CBR4: variants seen among roughly 807,000 people sequenced by gnomAD.
CBR4 encodes the protein carbonyl reductase 4, also known as 3-oxoacyl-[acyl-carrier-protein] reductase.
In CBR4, 22 loss-of-function variants were observed where a neutral mutation model predicts 21.0. The ratio of observed to expected loss-of-function variants is 1.05; its 90% confidence interval spans 0.75 to 1.50. The LOEUF (loss-of-function observed/expected upper bound fraction) is 1.50, where lower values mean the gene tolerates loss of function less well. Ranked by LOEUF, CBR4 falls within the 40% of genes most tolerant of loss-of-function variation. The pLI, the probability that CBR4 is intolerant of heterozygous loss-of-function variation, is 0.00. For synonymous variants in CBR4, 100 were observed against 104.4 expected (o/e 0.96, Z 0.26); for missense variants, 302 against 286.3 (o/e 1.05, Z -0.40).
At chr4:168,957,278 G>A (rs11930622) in intron 2 of CBR4, among the ~76,000 whole-genome samples, 8,545 of 151,946 alleles carry the variant, frequency 0.056, 760 homozygotes, top group African/African-American at 0.19. Flanking sequence ...TCTTGAAGAG[G>A]CTTCTAATTA....
At chr4:168,906,467 G>A (rs6819031) in intron 2 of CBR4, among the ~76,000 whole-genome samples, 25,208 of 152,030 alleles carry the variant, frequency 0.17, 2,621 homozygotes, top group African/African-American at 0.29. Context: ...GTAGTCTCCA[G>A]TCATTTAAAC....
At chr4:168,998,178 T>C (rs1012914577) in intron 4 of CBR4, among the ~76,000 whole-genome samples, 1 of 152,218 alleles carries the variant, frequency 6.6e-6, no homozygotes, top group African/African-American at 2.4e-5. Context: ...TAATACTATT[T>C]GTCAAAATTA....
At chr4:168,904,200 C>A in intron 2 of CBR4, 1 of 354,674 alleles carries the variant, frequency 2.8e-6, no homozygotes, top group Non-Finnish European at 5.3e-6. Flanking sequence ...GGACAAAGTC[C>A]TATGGTAAAA....
intron 2 of CBR4, among the ~76,000 whole-genome samples, chr4:168,907,983 C>G (rs1295577475): frequency 6.6e-6 from 1 of 152,144 alleles, no homozygotes; most frequent in Non-Finnish European, 1.5e-5. Context: ...TCTTCTTTAC[C>G]TAAATAACCC....
At chr4:168,931,643 G>A (rs907623059) in intron 2 of CBR4, among the ~76,000 whole-genome samples, 3 of 150,840 alleles carry the variant, frequency 2.0e-5, no homozygotes, top group East Asian at 2.0e-4. Context: ...GAGCATGCCT[G>A]TACCCAGGGC....
chr4:168,992,408 C>T (rs1295993071), intron 4 of CBR4, among the ~76,000 whole-genome samples: 2 of 152,248 alleles, frequency 1.3e-5, no homozygotes, highest in East Asian at 3.9e-4. Context: ...GGGTGTTATT[C>T]AGGTGACAGA....
At position 168,915,989 on chromosome 4, in the gene CBR4, A is replaced by T. The variant is rs1171944020; in HGVS notation, n.170-21224T>A. 3 of 1,613,966 alleles carry T rather than the reference A, an allele frequency of 1.9e-6. No homozygotes were observed. Among genetic ancestry groups the T allele is most frequent in the Middle Eastern group, 1.6e-4 (1 of 6,062 alleles). On this transcript the variant is annotated intron_variant and non_coding_transcript_variant, in intron 2 of 3. Transcript: ENST00000509108. ...CTTCTTGCAGGCTCCTGGAGATCTG[A>T]CTGTTCAAGAAGGAAAACTCTGCAG...
intron 2 of CBR4, among the ~76,000 whole-genome samples, chr4:168,963,825 G>T (rs1167833930): frequency 6.6e-6 from 1 of 152,128 alleles, no homozygotes. Context: ...GCTGAGGGAT[G>T]CTCCAAGACC....
At chr4:168,984,813 A>G (rs1384249597), downstream of CBR4, among the ~76,000 whole-genome samples, 3 of 152,220 alleles carry the variant, frequency 2.0e-5, no homozygotes, top group African/African-American at 7.2e-5. Flanking sequence ...CAATGGGGAA[A>G]GGACTTCCTA....
chr4:168,976,751 G>A (rs185821273), intron 2 of CBR4, among the ~76,000 whole-genome samples: 85 of 152,370 alleles, frequency 5.6e-4, no homozygotes, highest in African/African-American at 2.0e-3. Context: ...GCAAGGGCGG[G>A]GAGGGTGTAT....
intron 2 of CBR4, among the ~76,000 whole-genome samples, chr4:168,907,614 C>A (rs1405298504): frequency 2.0e-5 from 3 of 152,086 alleles, no homozygotes; most frequent in Non-Finnish European, 4.4e-5. Context: ...CAAGAGAAGC[C>A]CCAAAAGAGA....
chr4:168,980,285 GA>G (rs1764506342), intron 2 of CBR4, among the ~76,000 whole-genome samples: 2 of 152,196 alleles, frequency 1.3e-5, no homozygotes, highest in South Asian at 4.2e-4. Context: ...GGAGCACTGA[GA>G]AGGTACATGA....
chr4:168,922,102 TACACAC>T lies in CBR4; in HGVS notation n.170-27343_170-27338del, dbSNP rs35503011. Among the ~76,000 whole-genome samples the T allele has an allele frequency of 3.6e-3, 477 of 132,618 alleles. 3 individuals are homozygous for T. The highest frequency in any genetic ancestry group is 4.5e-3 in the East Asian group (22 of 4,886). The allele number at this position is 132,618 out of a possible 152,430, so 87.0% of individuals were successfully genotyped here. ...TTTTATATTTATATATATATATATATACACACACACACACACACACACACACACACA... is the reference window on the plus strand; with the variant it reads ...TTTTATATTTATATATATATATATATACACACACACACACACACACACACA... On this transcript the variant is annotated intron_variant and non_coding_transcript_variant, in intron 2 of 3. Coordinates refer to the CBR4 transcript ENST00000509108.
chr4:168,988,042 T>C lies in CBR4; in HGVS notation c.*2108A>G, dbSNP rs143295851. 1.5e-5 allele frequency: 15 copies of C among 985,362 alleles called. No homozygotes were observed. The highest frequency in any genetic ancestry group is 1.8e-5 in the Non-Finnish European group (15 of 829,838). 61.0% of individuals were successfully genotyped at this position (985,362 alleles called of 1,614,324 possible). On this transcript the variant is annotated 3_prime_UTR_variant, in exon 5 of 5. Coordinates refer to ENST00000306193, the MANE Select transcript of CBR4 (RefSeq NM_032783.5). ...ATGAGTCTTCTTGTTAAGAATTCAT[T>C]CAATGCTTCTCAGAATAGCAGATTT... is the stretch of plus-strand genomic sequence containing the variant.
At chr4:168,951,456 G>A (rs531791453) in intron 2 of CBR4, among the ~76,000 whole-genome samples, 3 of 152,178 alleles carry the variant, frequency 2.0e-5, no homozygotes, top group Non-Finnish European at 4.4e-5. Flanking sequence ...TGTTGCCTGT[G>A]TACTGTGGTT....
downstream of CBR4, among the ~76,000 whole-genome samples, chr4:168,982,805 C>T (rs1183693467): frequency 3.9e-5 from 6 of 152,184 alleles, no homozygotes; most frequent in East Asian, 1.2e-3. Flanking sequence ...AAACAATCTA[C>T]TCCTGAATGA....
intron 2 of CBR4, among the ~76,000 whole-genome samples, chr4:168,958,658 A>T (rs1283302105): frequency 6.6e-6 from 1 of 152,156 alleles, no homozygotes; most frequent in African/African-American, 2.4e-5. Context: ...AGTTTGTAAC[A>T]TTTTACATTC....
At chr4:168,925,763 G>A (rs1389910693) in intron 2 of CBR4, among the ~76,000 whole-genome samples, 1 of 152,076 alleles carries the variant, frequency 6.6e-6, no homozygotes, top group Non-Finnish European at 1.5e-5. Flanking sequence ...AACTATGTGA[G>A]GGTCATCAAG....
At chr4:168,913,730 T>C (rs1759526915) in intron 2 of CBR4, among the ~76,000 whole-genome samples, 1 of 152,070 alleles carries the variant, frequency 6.6e-6, no homozygotes, top group African/African-American at 2.4e-5. Context: ...CTTCAAGTTC[T>C]TCAAGTAAAA....
Sources: gnomAD v4.1 joint callset for allele counts (sites outside exome capture counted in the v4.1 genomes callset) on GRCh38, gnomAD v4.1.1 for gene constraint, MANE v1.5 for transcripts, NCBI Gene and HGNC (gene_info 2026-07-23, HGNC 2026-07-21) for gene names.